The following IFFO2 variants were observed in gnomAD, a reference collection of about 807,000 sequenced individuals.
IFFO2 encodes the protein intermediate filament family orphan 2.
IFFO2 carries 19 observed loss-of-function variants against 53.5 expected under a neutral mutation model. That is an observed-to-expected ratio of 0.36 (90% CI 0.25 to 0.52). The LOEUF (loss-of-function observed/expected upper bound fraction) is 0.52, where lower values mean the gene tolerates loss of function less well. IFFO2 is among the 20% of genes least tolerant of loss of function. The pLI is 0.94. For missense variants in IFFO2, 570 were observed against 727.4 expected, an observed-to-expected ratio of 0.78 and a Z score of 2.49; for synonymous variants, 303 against 313.6, an observed-to-expected ratio of 0.97 and a Z score of 0.36.
chr1:18,937,321 G>A (rs1261629614), intron 1 of IFFO2, among the ~76,000 whole-genome samples: 5 of 152,210 alleles, frequency 3.3e-5, no homozygotes, highest in Non-Finnish European at 5.9e-5. Context: ...GCGCAGCTGA[G>A]GCAGGTAATT....
In IFFO2 at chr1:18,918,013, G is replaced by A. The variant is rs1004204491; in HGVS notation, c.963+349C>T. 1.3e-5 allele frequency among the ~76,000 whole-genome samples: 2 copies of A among 152,228 alleles called. No homozygotes were observed. The highest frequency in any genetic ancestry group is 2.9e-5 in the Non-Finnish European group (2 of 68,046). ...GGATGATGCCCAGTTCTGGCACCCA[G>A]AGGAAGGGGCAGGAAGCGGGACAAT... On this transcript the variant is annotated intron_variant, in intron 4 of 8. Coordinates refer to ENST00000455833, the MANE Select transcript of IFFO2 (RefSeq NM_001136265.2). The surrounding 1 kb of genome is among the most constrained non-coding windows in gnomAD (Gnocchi z 5.2).
intron 1 of IFFO2, among the ~76,000 whole-genome samples, chr1:18,946,144 G>A (rs1003781639): frequency 6.6e-6 from 1 of 152,210 alleles, no homozygotes; most frequent in African/African-American, 2.4e-5. Context: ...AAACCGCAGT[G>A]TGGGTAGAGC....
intron 1 of IFFO2, among the ~76,000 whole-genome samples, chr1:18,952,855 G>T (rs756687405): frequency 1.4e-4 from 22 of 152,220 alleles, no homozygotes; most frequent in Non-Finnish European, 2.9e-4. Flanking sequence ...TATGCAAGTT[G>T]TACCTCAATG....
chr1:18,933,343 A>G (rs1936404002), intron 1 of IFFO2, among the ~76,000 whole-genome samples: 2 of 152,216 alleles, frequency 1.3e-5, no homozygotes, highest in African/African-American at 4.8e-5. Context: ...GCCACTGCCC[A>G]TTTGTACCCA....
At position 18,911,957 on chromosome 1, in the gene IFFO2, G is replaced by T. The variant is rs1363384560; in HGVS notation, c.1224+6C>A. ...TGGCCTTTGGGAAGCCAGGCGCTGG[G>T]CTTACCTCGCCCTGCAGGTCGATGG... is the stretch of plus-strand genomic sequence containing the variant. On this transcript the variant is annotated splice_donor_region_variant and intron_variant, in intron 6 of 8. Transcript: ENST00000455833. The T allele has an allele frequency of 7.1e-6, 11 of 1,551,448 alleles. No individual in the cohort carries two copies. The highest frequency in any genetic ancestry group is 9.6e-6 in the Non-Finnish European group (11 of 1,146,946).
intron 1 of IFFO2, among the ~76,000 whole-genome samples, chr1:18,944,932 G>A (rs2148188305): frequency 6.6e-6 from 1 of 152,326 alleles, no homozygotes. Context: ...AGAGCATGAG[G>A]AGGGAGGAGG....
At chr1:18,937,835 C>T (rs1297656684) in intron 1 of IFFO2, among the ~76,000 whole-genome samples, 1 of 152,260 alleles carries the variant, frequency 6.6e-6, no homozygotes, top group Non-Finnish European at 1.5e-5. Context: ...CCCTCAAGCG[C>T]TGCCCAGATG....
chr1:18,905,043 G>C lies in IFFO2; in HGVS notation c.*3518C>G, dbSNP rs972147387. On this transcript the variant is annotated 3_prime_UTR_variant, in exon 9 of 9. Coordinates refer to ENST00000455833, the MANE Select transcript of IFFO2 (RefSeq NM_001136265.2). ...CGCAACTGGGTTGGAAATGGATCTC[G>C]GCAGACCAGAGTCAGAGTAACTAAT... 1 of 152,196 alleles carries C rather than the reference G, an allele frequency of 6.6e-6. No homozygotes were observed. Among genetic ancestry groups the C allele is most frequent in the Admixed American group, 6.5e-5 (1 of 15,272 alleles). 9.4% of individuals were successfully genotyped at this position (152,196 alleles called of 1,614,324 possible). A position where few individuals can be genotyped will look rare whatever the true frequency, so the allele number is the denominator to read the frequency against.
chr1:18,954,836 T>C (rs1376806217), intron 1 of IFFO2, among the ~76,000 whole-genome samples: 1 of 152,252 alleles, frequency 6.6e-6, no homozygotes, highest in Non-Finnish European at 1.5e-5. Context: ...GATTGTGGTC[T>C]CAGTCCATTC....
chr1:18,932,033 C>T (rs980517970), intron 1 of IFFO2, among the ~76,000 whole-genome samples: 9 of 152,228 alleles, frequency 5.9e-5, no homozygotes, highest in African/African-American at 1.9e-4. Flanking sequence ...GCCAAGGCAA[C>T]GAGCTGGGGC....
At chr1:18,952,278 G>C (rs960129481) in intron 1 of IFFO2, among the ~76,000 whole-genome samples, 2 of 152,160 alleles carry the variant, frequency 1.3e-5, no homozygotes, top group African/African-American at 4.8e-5. Flanking sequence ...TTTCCCACGT[G>C]GTAAAGACCT....
At chr1:18,940,618 C>T (rs531608979) in intron 1 of IFFO2, among the ~76,000 whole-genome samples, 4 of 151,746 alleles carry the variant, frequency 2.6e-5, no homozygotes, top group East Asian at 1.9e-4. Flanking sequence ...GACAGACGGA[C>T]GGACAGACGG....
intron 1 of IFFO2, among the ~76,000 whole-genome samples, chr1:18,933,652 G>A (rs1234543678): frequency 6.6e-6 from 1 of 152,090 alleles, no homozygotes; most frequent in African/African-American, 2.4e-5. Context: ...CAGATACTCA[G>A]GAGGCTGAGG....
Position 18,908,535 on chromosome 1 carries a change from C to A in IFFO2, c.*26G>T. On this transcript the variant is annotated 3_prime_UTR_variant, in exon 9 of 9. Transcript: ENST00000455833. Reference sequence around the variant, plus strand: ...AGGTGGCAGGGCCCCATCACCAAGACCACCAGGCTCGCAGGGCCTCAGTCA... The same window carrying A: ...AGGTGGCAGGGCCCCATCACCAAGAACACCAGGCTCGCAGGGCCTCAGTCA... The A allele has an allele frequency of 6.6e-7, 1 of 1,521,920 alleles. No individual in the cohort carries two copies. The highest frequency in any genetic ancestry group is 8.9e-7 in the Non-Finnish European group (1 of 1,119,844). 94.3% of individuals were successfully genotyped at this position (1,521,920 alleles called of 1,614,324 possible). A position where few individuals can be genotyped will look rare whatever the true frequency, so the allele number is the denominator to read the frequency against.
chr1:18,954,848 A>G (rs1267548750), intron 1 of IFFO2, among the ~76,000 whole-genome samples: 1 of 152,214 alleles, frequency 6.6e-6, no homozygotes, highest in Non-Finnish European at 1.5e-5. Context: ...AGTCCATTCA[A>G]TGTCCAGTCT....
intron 1 of IFFO2, among the ~76,000 whole-genome samples, chr1:18,943,370 A>T (rs1936544708): frequency 6.6e-6 from 1 of 152,064 alleles, no homozygotes; most frequent in Non-Finnish European, 1.5e-5. Context: ...ACAGAGCAAG[A>T]CCCTGTCTTA....
At chr1:18,944,230 G>C (rs1557649238) in intron 1 of IFFO2, among the ~76,000 whole-genome samples, 1 of 152,346 alleles carries the variant, frequency 6.6e-6, no homozygotes, top group East Asian at 1.9e-4. Flanking sequence ...AGAAGGCATA[G>C]CTAACTTGGT....
rs1274196871 is a variant in IFFO2, at chr1:18,918,778, C to T, written c.823-276G>A. ...GGCATCCTCCCAGCAGACACAGGGT[C>T]CGTGTTCACTTTGTTAGAGCGAAGA... On this transcript the variant is annotated intron_variant, in intron 3 of 8. Coordinates refer to ENST00000455833, the MANE Select transcript of IFFO2 (RefSeq NM_001136265.2). The surrounding 1 kb of genome is among the most constrained non-coding windows in gnomAD (Gnocchi z 5.2). 2.6e-5 allele frequency among the ~76,000 whole-genome samples: 4 copies of T among 152,050 alleles called. No homozygotes were observed. Among genetic ancestry groups the T allele is most frequent in the Admixed American group, 6.5e-5 (1 of 15,270 alleles).
chr1:18,928,373 C>T lies in IFFO2; in HGVS notation c.666-7252G>A, dbSNP rs1048831995. Among the ~76,000 whole-genome samples, 15 of 152,230 alleles carry T rather than the reference C, an allele frequency of 9.9e-5. No homozygotes were observed. Among genetic ancestry groups the T allele is most frequent in the East Asian group, 1.9e-4 (1 of 5,194 alleles). ...ATTAAATGCCAACTGATTGTCTCCACGGAGGAGGTATTAATTTAATGTGAA... is the reference window on the plus strand; with the variant it reads ...ATTAAATGCCAACTGATTGTCTCCATGGAGGAGGTATTAATTTAATGTGAA... On this transcript the variant is annotated intron_variant, in intron 1 of 8. Transcript: ENST00000455833. This position sits in a 1 kb window ranked among gnomAD's most constrained non-coding sequence, Gnocchi z 4.9.
Sources: allele counts gnomAD v4.1 joint callset (sites outside exome capture counted in the v4.1 genomes callset), GRCh38; gene constraint gnomAD v4.1.1; non-coding constraint Gnocchi (gnomAD v3.1); transcripts MANE v1.5; gene names NCBI Gene and HGNC (gene_info 2026-07-23, HGNC 2026-07-21).